The following MYO3B variants were observed in gnomAD, a reference collection of about 807,000 sequenced individuals.
MYO3B encodes the protein myosin IIIB, also known as myosin-IIIb.
Under a neutral mutation model 174.6 loss-of-function variants are expected in MYO3B, and 156 were observed. The observed-to-expected ratio is 0.89, with a 90% CI of 0.78 to 1.02. The LOEUF is 1.02. Among genes scored for constraint, MYO3B ranks in the 50% least tolerant of loss-of-function variants. The pLI is 0.00. For synonymous variants in MYO3B, 563 were observed against 569.1 expected (o/e 0.99, Z 0.15); for missense variants, 1,632 against 1,639.4 (o/e 1.00, Z 0.08).
intron 32 of MYO3B, among the ~76,000 whole-genome samples, chr2:170,615,260 G>A (rs1695381388): frequency 6.6e-6 from 1 of 152,132 alleles, no homozygotes; most frequent in Admixed American, 6.5e-5. Context: ...CCACTTCTAG[G>A]CACTGAAGGA....
At chr2:170,563,407 G>A (rs1243012225) in intron 32 of MYO3B, among the ~76,000 whole-genome samples, 1 of 152,124 alleles carries the variant, frequency 6.6e-6, no homozygotes, top group Non-Finnish European at 1.5e-5. Flanking sequence ...GGAGTCATGA[G>A]AAGAGAGATG....
chr2:170,422,602 G>A (rs2094624944), intron 22 of MYO3B, among the ~76,000 whole-genome samples: 1 of 151,956 alleles, frequency 6.6e-6, no homozygotes, highest in Non-Finnish European at 1.5e-5. Flanking sequence ...AGGATTACAG[G>A]CTTGCACCAC....
intron 32 of MYO3B, among the ~76,000 whole-genome samples, chr2:170,594,568 C>G (rs576847821): frequency 4.0e-4 from 61 of 152,274 alleles, no homozygotes; most frequent in African/African-American, 1.5e-3. Flanking sequence ...AATTTTACCA[C>G]AGGTTTCAAG....
chr2:170,487,307 T>C (rs960754717), intron 25 of MYO3B, among the ~76,000 whole-genome samples: 1 of 152,232 alleles, frequency 6.6e-6, no homozygotes, highest in Non-Finnish European at 1.5e-5. Context: ...TTTATTCTTA[T>C]CCTTATCCAA....
intron 6 of MYO3B, among the ~76,000 whole-genome samples, chr2:170,235,756 T>A (rs1031674647): frequency 6.6e-6 from 1 of 152,220 alleles, no homozygotes; most frequent in African/African-American, 2.4e-5. Context: ...ACTTAGACGG[T>A]TCAATGCATG....
At position 170,277,623 on chromosome 2, in the gene MYO3B, T is replaced by TTTATCCTTAAATTTATCCTTA. The variant is rs1166048610; in HGVS notation, c.749+41487_749+41488insTTATCCTTAAATTTATCCTTA. 6.6e-5 allele frequency among the ~76,000 whole-genome samples: 10 copies of TTTATCCTTAAATTTATCCTTA among 152,288 alleles called. No homozygotes were observed. The East Asian group carries it at 1.9e-3, about 29-fold the overall frequency. On this transcript the variant is annotated intron_variant, in intron 7 of 34. Transcript: ENST00000408978. ...TAGGAAACCATTTCTTTTAGGCTGG[T>TTTATCCTTAAATTTATCCTTA]AATTTAAGGATAGCACTGCTGAGGA... is the stretch of plus-strand genomic sequence containing the variant.
intron 8 of MYO3B, among the ~76,000 whole-genome samples, chr2:170,355,679 G>C (rs182428632): frequency 6.6e-6 from 1 of 152,244 alleles, no homozygotes; most frequent in East Asian, 1.9e-4. Context: ...TGATTCATGG[G>C]CTCAACATTT....
intron 7 of MYO3B, among the ~76,000 whole-genome samples, chr2:170,298,651 C>T (rs748205969): frequency 2.7e-5 from 4 of 148,532 alleles, no homozygotes; most frequent in Admixed American, 6.8e-5. Context: ...TGCACTCCAG[C>T]CTCGGTGACA....
chr2:170,618,682 T>C (rs917133885), intron 32 of MYO3B, among the ~76,000 whole-genome samples: 14 of 152,068 alleles, frequency 9.2e-5, no homozygotes, highest in African/African-American at 3.1e-4. Context: ...GTGCCAACAA[T>C]GCTCTGGATA....
intron 30 of MYO3B, among the ~76,000 whole-genome samples, chr2:170,532,360 T>C (rs938136730): frequency 2.6e-5 from 4 of 152,220 alleles, no homozygotes; most frequent in African/African-American, 9.7e-5. Context: ...TATTTTGCTA[T>C]AGAAGATGCC....
At chr2:170,325,455 G>A (rs551410993) in intron 7 of MYO3B, among the ~76,000 whole-genome samples, 4 of 152,254 alleles carry the variant, frequency 2.6e-5, no homozygotes, top group South Asian at 2.1e-4. Flanking sequence ...TGATCCACCC[G>A]CCTCAGCCTC....
intron 25 of MYO3B, among the ~76,000 whole-genome samples, chr2:170,479,862 T>C (rs992087111): frequency 9.4e-5 from 14 of 148,566 alleles, no homozygotes; most frequent in African/African-American, 3.2e-4. Context: ...TATAGGTGTA[T>C]ATGTGTGTAT....
chr2:170,383,003 T>C (rs1300096997), intron 10 of MYO3B, 70 bp from the exon 11 acceptor site: 10 of 945,590 alleles, frequency 1.1e-5, no homozygotes, highest in South Asian at 4.4e-5. Context: ...AATAAATTTG[T>C]TGTCATTTTT....
chr2:170,409,110 T>C (rs773284003), intron 22 of MYO3B, among the ~76,000 whole-genome samples: 7 of 152,224 alleles, frequency 4.6e-5, no homozygotes, highest in Non-Finnish European at 1.0e-4. Context: ...AAATAACTCT[T>C]CAGCTGGCAT....
At chr2:170,607,563 A>G (rs1183287687) in intron 32 of MYO3B, among the ~76,000 whole-genome samples, 1 of 149,180 alleles carries the variant, frequency 6.7e-6, no homozygotes, top group Non-Finnish European at 1.5e-5. Context: ...TCAGCAGTGT[A>G]GAGAAGTGAA....
chr2:170,385,221 T>G lies in MYO3B; in HGVS notation c.1291-968T>G, dbSNP rs375767248. On this transcript the variant is annotated intron_variant, in intron 12 of 34. Coordinates refer to ENST00000408978, the MANE Select transcript of MYO3B (RefSeq NM_138995.5). ...CAACTCAGAAGCTCTCTGAATCTCCTTGTTCAAGAATTTGTATAACTTAAT... is the reference window on the plus strand; with the variant it reads ...CAACTCAGAAGCTCTCTGAATCTCCGTGTTCAAGAATTTGTATAACTTAAT... Among the ~76,000 whole-genome samples the G allele has an allele frequency of 7.5e-4, 114 of 152,262 alleles. No homozygotes were observed. The South Asian group carries it at 0.023, about 31-fold the overall frequency.
chr2:170,386,661 T>G (rs112657488), intron 13 of MYO3B, among the ~76,000 whole-genome samples: 5 of 152,212 alleles, frequency 3.3e-5, no homozygotes, highest in African/African-American at 1.2e-4. Flanking sequence ...AATTTTCAGC[T>G]TGGTGAAATC....
At chr2:170,250,724 A>G (rs1363774248) in intron 7 of MYO3B, among the ~76,000 whole-genome samples, 1 of 152,108 alleles carries the variant, frequency 6.6e-6, no homozygotes, top group Non-Finnish European at 1.5e-5. Flanking sequence ...GACTTGAAAA[A>G]TGTTGAATGT....
chr2:170,220,041 G>C (rs918924515), intron 6 of MYO3B, among the ~76,000 whole-genome samples: 1 of 151,698 alleles, frequency 6.6e-6, no homozygotes, highest in African/African-American at 2.4e-5. Flanking sequence ...GGCAGATCAC[G>C]AGGTCAGGAG....
Sources: allele counts gnomAD v4.1 joint callset (sites outside exome capture counted in the v4.1 genomes callset), GRCh38; gene constraint gnomAD v4.1.1; transcripts MANE v1.5; gene names NCBI Gene and HGNC (gene_info 2026-07-23, HGNC 2026-07-21).